NBAS: variants seen among roughly 807,000 people sequenced by gnomAD.
NBAS encodes the protein NAG/BC035112 fusion.
In NBAS, 219 loss-of-function variants were observed where a neutral mutation model predicts 302.5. The observed-to-expected ratio is 0.72, with a 90% CI of 0.65 to 0.81. NBAS has a LOEUF of 0.81. Ranked by LOEUF, NBAS falls within the 30% of genes least tolerant of loss-of-function variation. The pLI is 0.00. For synonymous variants in NBAS, 1,118 were observed against 1,021.6 expected, an observed-to-expected ratio of 1.09 and a Z score of -1.80; for missense variants, 2,932 against 2,841.6, an observed-to-expected ratio of 1.03 and a Z score of -0.72.
the NBAS span, among the ~76,000 whole-genome samples, chr2:14,788,428 T>C: frequency 0.011 from 1,626 of 152,280 alleles, 30 homozygotes; most frequent in African/African-American, 0.036. Flanking sequence ...TTTTCTGCTC[T>C]GTTTTTTCCC....
chr2:15,355,358 C>T (rs913522512), intron 33 of NBAS, among the ~76,000 whole-genome samples: 3 of 152,306 alleles, frequency 2.0e-5, no homozygotes, highest in Admixed American at 6.5e-5. Flanking sequence ...CTCCCTATCA[C>T]ACTGAAGAAT....
At chr2:15,477,338 T>G (rs1680235401) in intron 13 of NBAS, among the ~76,000 whole-genome samples, 1 of 152,144 alleles carries the variant, frequency 6.6e-6, no homozygotes. Flanking sequence ...CTCGGCTCAC[T>G]GCAACCTCTG....
intron 3 of NBAS, 96 bp from the exon 4 acceptor site, chr2:15,554,234 T>A (rs1388009640): frequency 2.9e-6 from 3 of 1,017,388 alleles, no homozygotes; most frequent in Non-Finnish European, 4.5e-6. Flanking sequence ...GAGACACAGA[T>A]TTTTTTCCAT....
At chr2:15,534,875 C>T (rs1171161968) in intron 8 of NBAS, among the ~76,000 whole-genome samples, 1 of 152,106 alleles carries the variant, frequency 6.6e-6, no homozygotes, top group Non-Finnish European at 1.5e-5. Context: ...CCAGCAATCC[C>T]ACTTGAAGAT....
At chr2:15,174,723 G>A (rs1216767539) in intron 51 of NBAS, among the ~76,000 whole-genome samples, 3 of 152,146 alleles carry the variant, frequency 2.0e-5, no homozygotes, top group African/African-American at 4.8e-5. Flanking sequence ...GCATGGTGGG[G>A]TATAGACTTT....
At chr2:15,450,172 C>T (rs181763533) in intron 21 of NBAS, among the ~76,000 whole-genome samples, 7 of 152,088 alleles carry the variant, frequency 4.6e-5, no homozygotes, top group Admixed American at 4.6e-4. Context: ...CAGGACTAGG[C>T]TATATAAAAG....
At chr2:14,949,571 G>C in the NBAS span, among the ~76,000 whole-genome samples, 34 of 152,106 alleles carry the variant, frequency 2.2e-4, no homozygotes, top group African/African-American at 8.2e-4. Context: ...GTTTATTGCA[G>C]CACTATTCAA....
chr2:15,272,791 C>T (rs1025825501), intron 44 of NBAS, among the ~76,000 whole-genome samples: 1 of 152,130 alleles, frequency 6.6e-6, no homozygotes, highest in Non-Finnish European at 1.5e-5. Flanking sequence ...GCACCTCTAA[C>T]CCAACAAAAT....
chr2:15,542,657 AT>A (rs1257951086), intron 6 of NBAS, among the ~76,000 whole-genome samples: 5 of 150,138 alleles, frequency 3.3e-5, no homozygotes, highest in African/African-American at 5.0e-5. Context: ...GATAAAAAAA[AT>A]AAAAAAAAAA....
chr2:14,898,465 G>A, the NBAS span, among the ~76,000 whole-genome samples: 1 of 152,160 alleles, frequency 6.6e-6, no homozygotes, highest in African/African-American at 2.4e-5. Flanking sequence ...GAGCTATTCT[G>A]TGTTTCTAAG....
chr2:15,120,091 G>A, the NBAS span, among the ~76,000 whole-genome samples: 2 of 152,208 alleles, frequency 1.3e-5, no homozygotes, highest in African/African-American at 4.8e-5. Context: ...GGCAGCACAA[G>A]TTGAGCCTTA....
the NBAS span, among the ~76,000 whole-genome samples, chr2:15,092,865 G>A: frequency 0.84 from 127,944 of 152,174 alleles, 54,418 homozygotes; most frequent in South Asian, 0.93. Flanking sequence ...TTTCAGAGCT[G>A]GTGAGTCACC....
chr2:15,526,903 T>C (rs112807496), intron 9 of NBAS, among the ~76,000 whole-genome samples: 2 of 152,132 alleles, frequency 1.3e-5, no homozygotes, highest in Non-Finnish European at 2.9e-5. Flanking sequence ...ATTTATCCCA[T>C]AATAATTATT....
chr2:15,421,188 T>C (rs148139448), intron 23 of NBAS, among the ~76,000 whole-genome samples: 9 of 152,160 alleles, frequency 5.9e-5, no homozygotes, highest in East Asian at 1.9e-4. Flanking sequence ...TCAGAAAGCA[T>C]TAAGAAAGCT....
intron 9 of NBAS, among the ~76,000 whole-genome samples, chr2:15,518,277 T>C (rs947165243): frequency 3.9e-5 from 6 of 152,190 alleles, no homozygotes; most frequent in African/African-American, 1.4e-4. Context: ...TTAAGTATTC[T>C]GGGACTGGGA....
At chr2:15,233,319 C>T (rs747147978) in intron 46 of NBAS, among the ~76,000 whole-genome samples, 2 of 152,018 alleles carry the variant, frequency 1.3e-5, no homozygotes, top group Non-Finnish European at 2.9e-5. Flanking sequence ...GGATCAGAAC[C>T]AAATCTTTAG....
At chr2:14,814,309 T>C in the NBAS span, among the ~76,000 whole-genome samples, 1,228 of 152,326 alleles carry the variant, frequency 8.1e-3, 17 homozygotes, top group African/African-American at 0.029. Context: ...GTTTGCACAG[T>C]GTGCCTAGAA....
At chr2:15,511,118 C>T (rs1281398077) in intron 10 of NBAS, 94 bp downstream of exon 10, 2 of 1,438,318 alleles carry the variant, frequency 1.4e-6, no homozygotes, top group Non-Finnish European at 1.9e-6. Context: ...GAAATTATTT[C>T]TTCCTCTATA....
chr2:14,934,028 G>T, the NBAS span, among the ~76,000 whole-genome samples: 1 of 152,072 alleles, frequency 6.6e-6, no homozygotes, highest in South Asian at 2.1e-4. Context: ...AGTGTAATGT[G>T]CTTTGGTGAT....
Sources: allele counts gnomAD v4.1 joint callset (sites outside exome capture counted in the v4.1 genomes callset), GRCh38; gene constraint gnomAD v4.1.1; transcripts MANE v1.5; gene names NCBI Gene and HGNC (gene_info 2026-07-23, HGNC 2026-07-21).